CHCHD6: variants seen among roughly 807,000 people sequenced by gnomAD.
CHCHD6 encodes the protein coiled-coil-helix-coiled-coil-helix domain containing 6.
A neutral mutation model predicts 32.3 loss-of-function variants in CHCHD6; 28 were observed. The ratio of observed to expected loss-of-function variants is 0.87; its 90% CI spans 0.64 to 1.19. The LOEUF is 1.19. Ranked by LOEUF, CHCHD6 falls within the 50% of genes most tolerant of loss-of-function variation. The probability of loss-of-function intolerance (pLI) is 0.00; values close to 1 mark genes in which losing one functional copy is unlikely to be tolerated. For missense variants in CHCHD6, 333 were observed against 307.0 expected (o/e 1.08, Z -0.63); for synonymous variants, 122 against 117.5 (o/e 1.04, Z -0.25).
At chr3:126,739,892 T>G (rs1042573721) in intron 4 of CHCHD6, among the ~76,000 whole-genome samples, 1 of 152,224 alleles carries the variant, frequency 6.6e-6, no homozygotes, top group African/African-American at 2.4e-5. Flanking sequence ...TCACATTTGC[T>G]TGCAGTTTTA....
At chr3:126,893,002 TC>T (rs1398723935) in intron 5 of CHCHD6, among the ~76,000 whole-genome samples, 1 of 152,062 alleles carries the variant, frequency 6.6e-6, no homozygotes, top group Non-Finnish European at 1.5e-5. Flanking sequence ...CGAGTCTTGC[TC>T]TGTCTCCCAG....
At chr3:126,720,017 A>T (rs1452737192) in intron 1 of CHCHD6, among the ~76,000 whole-genome samples, 2 of 152,010 alleles carry the variant, frequency 1.3e-5, no homozygotes, top group Non-Finnish European at 2.9e-5. Context: ...AGTAGCTGGG[A>T]TTACAGGTGC....
At chr3:126,946,430 A>G (rs577931518) in intron 6 of CHCHD6, among the ~76,000 whole-genome samples, 1 of 152,332 alleles carries the variant, frequency 6.6e-6, no homozygotes, top group South Asian at 2.1e-4. Flanking sequence ...TGTCACACGC[A>G]GCCTCTGCCT....
chr3:126,956,028 TC>T (rs2078778890), intron 6 of CHCHD6, among the ~76,000 whole-genome samples: 1 of 152,194 alleles, frequency 6.6e-6, no homozygotes, highest in Non-Finnish European at 1.5e-5. Flanking sequence ...GGGGTCCTGT[TC>T]CCAAGCTGTC....
intron 6 of CHCHD6, chr3:126,949,520 G>A (rs1400388683): frequency 1.7e-5 from 3 of 179,134 alleles, no homozygotes; most frequent in Non-Finnish European, 2.3e-5. Context: ...GTGGACTGCC[G>A]CCGTGGACGG....
In CHCHD6 at chr3:126,784,992, C is replaced by T. The variant is rs545187736; in HGVS notation, c.411+51770C>T. Among the ~76,000 whole-genome samples the T allele has an allele frequency of 8.6e-5, 13 of 152,008 alleles. 1 individual carries two copies. In the East Asian group the frequency reaches 2.5e-3, roughly 29 times the overall value. On this transcript the variant is annotated intron_variant, in intron 4 of 7. Transcript: ENST00000290913. ...TCTAGTGGTTTAGAAGCTGTGTATT[C>T]TTCTATTCTCCTTGTGATTATACTT...
chr3:126,726,469 T>C (rs955694429), intron 1 of CHCHD6, among the ~76,000 whole-genome samples: 3 of 152,110 alleles, frequency 2.0e-5, no homozygotes, highest in African/African-American at 7.2e-5. Flanking sequence ...AAAACATGAC[T>C]GAGAGACACA....
intron 4 of CHCHD6, among the ~76,000 whole-genome samples, chr3:126,735,222 T>G (rs1170474126): frequency 6.6e-6 from 1 of 152,184 alleles, no homozygotes; most frequent in Non-Finnish European, 1.5e-5. Context: ...CGTTCTCACC[T>G]GGAATGTATT....
At chr3:126,867,330 C>G (rs1268210343) in intron 5 of CHCHD6, among the ~76,000 whole-genome samples, 3 of 152,190 alleles carry the variant, frequency 2.0e-5, no homozygotes, top group Non-Finnish European at 2.9e-5. Flanking sequence ...CAAAGTGATT[C>G]CTACACCATA....
chr3:126,926,808 G>GTT (rs2078330786), intron 6 of CHCHD6, among the ~76,000 whole-genome samples: 1 of 152,098 alleles, frequency 6.6e-6, no homozygotes, highest in Non-Finnish European at 1.5e-5. Context: ...GCAGCATTTG[G>GTT]GAGAACCAAG....
intron 1 of CHCHD6, among the ~76,000 whole-genome samples, chr3:126,713,491 C>T (rs555576825): frequency 4.6e-5 from 7 of 152,314 alleles, no homozygotes; most frequent in South Asian, 2.1e-4. Context: ...CTTGATCCTG[C>T]GGGACCCTAA....
At chr3:126,923,826 A>T (rs2078286637) in intron 6 of CHCHD6, among the ~76,000 whole-genome samples, 1 of 152,244 alleles carries the variant, frequency 6.6e-6, no homozygotes, top group Non-Finnish European at 1.5e-5. Flanking sequence ...GTTACATAGA[A>T]ACTCACATTT....
chr3:126,735,048 GTC>G (rs920628227), intron 4 of CHCHD6, among the ~76,000 whole-genome samples: 2 of 152,138 alleles, frequency 1.3e-5, no homozygotes, highest in African/African-American at 4.8e-5. Flanking sequence ...CTTGCAGTCA[GTC>G]TCTGAGAGGC....
At chr3:126,942,031 A>G (rs979777359) in intron 6 of CHCHD6, among the ~76,000 whole-genome samples, 1 of 152,192 alleles carries the variant, frequency 6.6e-6, no homozygotes, top group African/African-American at 2.4e-5. Flanking sequence ...CCACCCTGAC[A>G]GACTTGAAGA....
intron 4 of CHCHD6, among the ~76,000 whole-genome samples, chr3:126,823,889 A>G (rs2107537837): frequency 6.6e-6 from 1 of 152,034 alleles, no homozygotes; most frequent in East Asian, 1.9e-4. Context: ...CTACAAAAAC[A>G]AAAACAAAAA....
At chr3:126,847,107 T>G (rs1350002746) in intron 4 of CHCHD6, among the ~76,000 whole-genome samples, 1 of 152,116 alleles carries the variant, frequency 6.6e-6, no homozygotes, top group Non-Finnish European at 1.5e-5. Flanking sequence ...AAGTAACAAA[T>G]TACAAAATGT....
chr3:126,724,099 A>G (rs1935430802), intron 1 of CHCHD6, among the ~76,000 whole-genome samples: 1 of 152,182 alleles, frequency 6.6e-6, no homozygotes, highest in Non-Finnish European at 1.5e-5. Flanking sequence ...GCAGTATTTG[A>G]TTATCTACTG....
At chr3:126,795,702 G>A (rs754634791) in intron 4 of CHCHD6, among the ~76,000 whole-genome samples, 1 of 152,104 alleles carries the variant, frequency 6.6e-6, no homozygotes, top group African/African-American at 2.4e-5. Context: ...TCCCTTGAAG[G>A]TTAAATAATG....
intron 5 of CHCHD6, among the ~76,000 whole-genome samples, chr3:126,883,885 T>C (rs61383938): frequency 7.9e-4 from 121 of 152,358 alleles, no homozygotes; most frequent in African/African-American, 2.8e-3. Flanking sequence ...TGTTAAAATC[T>C]GTAGGTTTTC....
Sources: allele counts gnomAD v4.1 joint callset (sites outside exome capture counted in the v4.1 genomes callset), GRCh38; gene constraint gnomAD v4.1.1; transcripts MANE v1.5; gene names NCBI Gene and HGNC (gene_info 2026-07-23, HGNC 2026-07-21).